Variants in TUNAR observed in about 807,000 individuals in gnomAD.
TUNAR encodes transmembrane neural differentiation associated intracellular calcium regulator.
At chr14:95,884,729 C>A (rs1889045379) in intron 2 of TUNAR, among the ~76,000 whole-genome samples, 1 of 152,198 alleles carries the variant, frequency 6.6e-6, no homozygotes, top group Admixed American at 6.5e-5. Context: ...TGTCATCCCT[C>A]CTTGTCTTCT....
At chr14:95,923,036 G>T in exon 3 of TUNAR, 1 of 398,770 alleles carries the variant, frequency 2.5e-6, no homozygotes, top group South Asian at 1.3e-4. Context: ...GCGCATCACT[G>T]ACCAGACCCT....
exon 3 of TUNAR, chr14:95,923,297 T>G (rs1041098984): frequency 4.8e-6 from 1 of 208,402 alleles, no homozygotes; most frequent in African/African-American, 2.3e-5. Flanking sequence ...TCCAGATCGC[T>G]GACAGATATC....
chr14:95,883,801 C>T (rs935369285), intron 2 of TUNAR, among the ~76,000 whole-genome samples: 2 of 152,114 alleles, frequency 1.3e-5, no homozygotes, highest in African/African-American at 4.8e-5. Context: ...CAAGTGTGAT[C>T]CAGGGACCAC....
At chr14:95,889,959 C>CAAAAAAAAAA (rs535897006) in intron 2 of TUNAR, among the ~76,000 whole-genome samples, 3 of 92,174 alleles carry the variant, frequency 3.3e-5, no homozygotes, top group Admixed American at 1.3e-4. Context: ...GACACAAAGA[C>CAAAAAAAAAA]AAAAAAAAAA....
intron 2 of TUNAR, among the ~76,000 whole-genome samples, chr14:95,921,964 A>T (rs1008615135): frequency 1.3e-5 from 2 of 151,518 alleles, no homozygotes; most frequent in African/African-American, 4.9e-5. Flanking sequence ...TGACCACCAC[A>T]TGTTCATCTG....
chr14:95,888,216 TTGA>T (rs1889109165), intron 2 of TUNAR, among the ~76,000 whole-genome samples: 1 of 152,196 alleles, frequency 6.6e-6, no homozygotes, highest in African/African-American at 2.4e-5. Flanking sequence ...AATCCCAGCT[TTGA>T]TTAATATTTG....
chr14:95,886,664 C>G (rs1018191359), intron 2 of TUNAR, among the ~76,000 whole-genome samples: 1 of 152,216 alleles, frequency 6.6e-6, no homozygotes, highest in Non-Finnish European at 1.5e-5. Flanking sequence ...CAATTCCACC[C>G]TCCATGGGTC....
intron 2 of TUNAR, among the ~76,000 whole-genome samples, chr14:95,904,863 C>G (rs919639851): frequency 2.6e-5 from 4 of 152,242 alleles, no homozygotes; most frequent in African/African-American, 9.6e-5. Flanking sequence ...GGCTGAGGAC[C>G]TGCGCAGGAT....
chr14:95,890,787 G>T (rs144060328), intron 2 of TUNAR, among the ~76,000 whole-genome samples: 332 of 152,332 alleles, frequency 2.2e-3, no homozygotes, highest in African/African-American at 7.7e-3. Context: ...TATTAGAATC[G>T]TGAAAGTATT....
intron 2 of TUNAR, among the ~76,000 whole-genome samples, chr14:95,904,391 G>A (rs1889399757): frequency 6.6e-6 from 1 of 152,146 alleles, no homozygotes; most frequent in Middle Eastern, 3.2e-3. Context: ...GGGAGGGAGT[G>A]GGAGAGGAAA....
intron 2 of TUNAR, among the ~76,000 whole-genome samples, chr14:95,907,253 G>C (rs1889441462): frequency 6.6e-6 from 1 of 152,216 alleles, no homozygotes; most frequent in Non-Finnish European, 1.5e-5. Flanking sequence ...TGAGGCTGCA[G>C]TGGATGAACT....
intron 2 of TUNAR, among the ~76,000 whole-genome samples, chr14:95,918,787 A>G (rs188339274): frequency 2.0e-5 from 3 of 152,172 alleles, no homozygotes; most frequent in African/African-American, 7.2e-5. Context: ...GTTTTGCTTG[A>G]GTGACTGTGA....
chr14:95,916,179 C>T (rs1327499381), intron 2 of TUNAR, among the ~76,000 whole-genome samples: 1 of 152,208 alleles, frequency 6.6e-6, no homozygotes, highest in Non-Finnish European at 1.5e-5. Flanking sequence ...TACCCACCAC[C>T]AGCTTGAGAA....
intron 2 of TUNAR, among the ~76,000 whole-genome samples, chr14:95,911,581 C>T (rs1027547907): frequency 1.3e-5 from 2 of 152,272 alleles, no homozygotes; most frequent in Admixed American, 6.5e-5. Context: ...TGTCAGACAA[C>T]GATGCTAAAT....
chr14:95,889,959 C>CAAAAAAA (rs535897006), intron 2 of TUNAR, among the ~76,000 whole-genome samples: 1 of 92,198 alleles, frequency 1.1e-5, no homozygotes, highest in African/African-American at 3.8e-5. Context: ...GACACAAAGA[C>CAAAAAAA]AAAAAAAAAA....
intron 2 of TUNAR, among the ~76,000 whole-genome samples, chr14:95,912,779 C>T (rs535958991): frequency 1.3e-5 from 2 of 152,200 alleles, no homozygotes; most frequent in South Asian, 4.2e-4. Flanking sequence ...TCGTGGGCAT[C>T]TTCCTTTTTT....
intron 2 of TUNAR, among the ~76,000 whole-genome samples, chr14:95,910,932 C>T (rs573357494): frequency 9.9e-5 from 15 of 152,270 alleles, no homozygotes; most frequent in African/African-American, 1.9e-4. Context: ...CCTGGAGAGC[C>T]GGTTACCCAT....
intron 2 of TUNAR, among the ~76,000 whole-genome samples, chr14:95,922,425 C>T (rs1184659352): frequency 1.3e-5 from 2 of 152,190 alleles, no homozygotes; most frequent in Non-Finnish European, 2.9e-5. Context: ...TGTGAAATTC[C>T]CACCACCAGG....
chr14:95,908,143 T>TGCTGTTCA (rs1416500108), intron 2 of TUNAR, among the ~76,000 whole-genome samples: 1 of 152,216 alleles, frequency 6.6e-6, no homozygotes, highest in Admixed American at 6.5e-5. Flanking sequence ...TGCCTCCTGA[T>TGCTGTTCA]GCTGTTCATG....
Sources: allele counts gnomAD v4.1 joint callset (sites outside exome capture counted in the v4.1 genomes callset), GRCh38; gene constraint gnomAD v4.1.1; transcripts MANE v1.5; gene names NCBI Gene and HGNC (gene_info 2026-07-23, HGNC 2026-07-21).